The following CFAP299 variants were observed in gnomAD, a reference collection of about 807,000 sequenced individuals.
CFAP299 encodes the protein cilia- and flagella-associated protein 299.
In CFAP299, 21 loss-of-function variants were observed where a neutral mutation model predicts 27.0. The observed-to-expected ratio is 0.78, with a 90% CI of 0.55 to 1.12. The LOEUF is 1.12. Ranked by LOEUF, CFAP299 falls within the 50% of genes most tolerant of loss-of-function variation. The probability of loss-of-function intolerance (pLI) is 0.00; values close to 1 mark genes in which losing one functional copy is unlikely to be tolerated. For missense variants in CFAP299, 310 were observed against 276.6 expected, an observed-to-expected ratio of 1.12 and a Z score of -0.86; for synonymous variants, 104 against 98.1, an observed-to-expected ratio of 1.06 and a Z score of -0.36.
intron 4 of CFAP299, among the ~76,000 whole-genome samples, chr4:80,882,065 A>C (rs1733730929): frequency 6.6e-6 from 1 of 152,184 alleles, no homozygotes; most frequent in Non-Finnish European, 1.5e-5. Context: ...AGGAGCAAAA[A>C]AAAAGAATGA....
intron 3 of CFAP299, among the ~76,000 whole-genome samples, chr4:80,828,882 G>C (rs1192605449): frequency 1.3e-5 from 2 of 151,944 alleles, no homozygotes; most frequent in Non-Finnish European, 2.9e-5. Flanking sequence ...CTCAGTATCT[G>C]CATGCAAAAA....
intron 3 of CFAP299, among the ~76,000 whole-genome samples, chr4:80,724,637 A>T (rs1174058523): frequency 2.0e-5 from 3 of 151,942 alleles, no homozygotes; most frequent in African/African-American, 7.2e-5. Flanking sequence ...TGATTTTATA[A>T]TTGTTTAATT....
intron 3 of CFAP299, among the ~76,000 whole-genome samples, chr4:80,614,249 A>G (rs936749811): frequency 1.3e-5 from 2 of 152,194 alleles, no homozygotes; most frequent in African/African-American, 4.8e-5. Context: ...GCTACTTAGA[A>G]TATTTTAAGT....
At chr4:80,680,186 C>G (rs975763057) in intron 3 of CFAP299, among the ~76,000 whole-genome samples, 2 of 152,062 alleles carry the variant, frequency 1.3e-5, no homozygotes, top group Non-Finnish European at 1.5e-5. Context: ...CTCTTTCTAT[C>G]AAATCTTTAA....
At chr4:80,620,856 G>C (rs928455112) in intron 3 of CFAP299, among the ~76,000 whole-genome samples, 1 of 152,094 alleles carries the variant, frequency 6.6e-6, no homozygotes, top group Admixed American at 6.6e-5. Context: ...TGTATACAAT[G>C]AGAGAAATAA....
At chr4:80,686,386 CT>C (rs777513516) in intron 3 of CFAP299, among the ~76,000 whole-genome samples, 14 of 152,194 alleles carry the variant, frequency 9.2e-5, no homozygotes, top group Non-Finnish European at 2.1e-4. Context: ...GATTATGCTT[CT>C]CTAGATTTCT....
chr4:80,706,930 T>G (rs1721853914), intron 3 of CFAP299, among the ~76,000 whole-genome samples: 1 of 151,912 alleles, frequency 6.6e-6, no homozygotes, highest in African/African-American at 2.4e-5. Flanking sequence ...CATTTATAAG[T>G]ACCGCCCCTC....
chr4:80,767,888 ACTCT>A (rs574620611), intron 3 of CFAP299, among the ~76,000 whole-genome samples: 20 of 152,024 alleles, frequency 1.3e-4, no homozygotes, highest in South Asian at 4.2e-4. Flanking sequence ...ATCAAAATAG[ACTCT>A]CTATTTTTTG....
intron 2 of CFAP299, among the ~76,000 whole-genome samples, chr4:80,549,622 G>A (rs897840933): frequency 6.6e-6 from 1 of 152,108 alleles, no homozygotes; most frequent in Non-Finnish European, 1.5e-5. Flanking sequence ...CAGGGTAACT[G>A]TGGACACGTT....
chr4:80,746,897 A>G (rs7663863), intron 3 of CFAP299, among the ~76,000 whole-genome samples: 35,013 of 151,876 alleles, frequency 0.23, 5,789 homozygotes, highest in African/African-American at 0.47. Flanking sequence ...ATAACTAACT[A>G]GAAACTAGAA....
intron 4 of CFAP299, among the ~76,000 whole-genome samples, chr4:80,876,316 A>AATC (rs1733374061): frequency 6.6e-6 from 1 of 152,070 alleles, no homozygotes; most frequent in African/African-American, 2.4e-5. Context: ...AAGGTAATTG[A>AATC]ATCATGGGGG....
chr4:80,583,013 G>A, intron 2 of CFAP299, 80 bp from the exon 3 acceptor site: 1 of 778,104 alleles, frequency 1.3e-6, no homozygotes. Flanking sequence ...GTCACTTAAA[G>A]AAGCATTGTT....
intron 3 of CFAP299, among the ~76,000 whole-genome samples, chr4:80,750,075 C>A (rs1195364688): frequency 1.3e-5 from 2 of 152,086 alleles, no homozygotes; most frequent in Non-Finnish European, 2.9e-5. Context: ...AACTATGACA[C>A]AGGCCAATAA....
chr4:80,680,159 G>A (rs1017373643), intron 3 of CFAP299, among the ~76,000 whole-genome samples: 3 of 151,994 alleles, frequency 2.0e-5, no homozygotes, highest in African/African-American at 7.3e-5. Flanking sequence ...AAAAATTGCC[G>A]ATCTTCACTG....
At chr4:80,418,948 A>G (rs751877053) in intron 2 of CFAP299, among the ~76,000 whole-genome samples, 20 of 152,172 alleles carry the variant, frequency 1.3e-4, no homozygotes, top group Non-Finnish European at 2.9e-4. Flanking sequence ...TGGCACTGTG[A>G]TAAGCATGGG....
Position 80,503,737 on chromosome 4 carries a change from A to G in CFAP299, c.243-79356A>G, listed in dbSNP as rs541532479. Among the ~76,000 whole-genome samples the G allele has an allele frequency of 1.1e-3, 166 of 152,288 alleles. 1 individual carries two copies. The highest frequency in any genetic ancestry group is 2.0e-3 in the Non-Finnish European group (137 of 68,024). On this transcript the variant is annotated intron_variant, in intron 2 of 5. Coordinates refer to ENST00000358105, the MANE Select transcript of CFAP299 (RefSeq NM_152770.3). ...TATCTTCCACCATTTTCAGGCTATC[A>G]GCCCCTTGAGAGCAGAGGTTACCTT...
In CFAP299 at chr4:80,493,696, C is replaced by T. The variant is rs191710828; in HGVS notation, c.243-89397C>T. Among the ~76,000 whole-genome samples the T allele has an allele frequency of 1.4e-3, 213 of 151,270 alleles. 2 individuals are homozygous for T. In the South Asian group the frequency reaches 0.019, roughly 13 times the overall value. The stretch of plus-strand genomic sequence containing the variant: ...ATACCATAGCTACAGACTACTCAAA[C>T]GCTAGTGACTTAAATTTATATCTAG... On this transcript the variant is annotated intron_variant, in intron 2 of 5. Transcript: ENST00000358105.
At chr4:80,739,642 T>C (rs1374951358) in intron 3 of CFAP299, among the ~76,000 whole-genome samples, 1 of 152,126 alleles carries the variant, frequency 6.6e-6, no homozygotes, top group African/African-American at 2.4e-5. Flanking sequence ...CAAAGTTTGA[T>C]TAAGTCCCCT....
At chr4:80,480,706 A>G (rs1730520941) in intron 2 of CFAP299, among the ~76,000 whole-genome samples, 1 of 152,044 alleles carries the variant, frequency 6.6e-6, no homozygotes, top group Non-Finnish European at 1.5e-5. Flanking sequence ...AAAAGATTAT[A>G]TACCCAGGAT....
Sources: gnomAD v4.1 joint callset for allele counts (sites outside exome capture counted in the v4.1 genomes callset) on GRCh38, gnomAD v4.1.1 for gene constraint, MANE v1.5 for transcripts, NCBI Gene and HGNC (gene_info 2026-07-23, HGNC 2026-07-21) for gene names.